The following PRKG1 variants were observed in gnomAD, a reference collection of about 807,000 sequenced individuals.
PRKG1 encodes protein kinase cGMP-dependent 1.
Under a neutral mutation model 88.1 loss-of-function variants are expected in PRKG1, and 35 were observed. The observed-to-expected ratio is 0.40, with a 90% confidence interval of 0.30 to 0.53. The LOEUF is 0.53. PRKG1 is among the 20% of genes least tolerant of loss of function. The pLI is 0.59. For synonymous variants in PRKG1, 303 were observed against 292.5 expected (o/e 1.04, Z -0.37); for missense variants, 540 against 839.8 (o/e 0.64, Z 4.41).
chr10:51,027,834 T>C (rs1048828632), intron 1 of PRKG1, among the ~76,000 whole-genome samples: 24 of 152,184 alleles, frequency 1.6e-4, no homozygotes, highest in Admixed American at 2.0e-4. Flanking sequence ...TAGTTTCTTA[T>C]ATGCAACCCA....
At chr10:51,486,878 T>A (rs1840558938) in intron 3 of PRKG1, among the ~76,000 whole-genome samples, 1 of 152,108 alleles carries the variant, frequency 6.6e-6, no homozygotes, top group Non-Finnish European at 1.5e-5. Flanking sequence ...ATTTCTACAG[T>A]GCGGTAGTTA....
chr10:51,736,331 G>A (rs1034192130), intron 3 of PRKG1, among the ~76,000 whole-genome samples: 9 of 152,004 alleles, frequency 5.9e-5, no homozygotes, highest in Non-Finnish European at 1.0e-4. Flanking sequence ...GCCCAGACTG[G>A]TCTCGAACTC....
intron 5 of PRKG1, among the ~76,000 whole-genome samples, chr10:51,989,639 C>T (rs1030096438): frequency 2.0e-5 from 3 of 151,708 alleles, no homozygotes; most frequent in African/African-American, 7.3e-5. Context: ...TCCTCTAGGA[C>T]CCATGAAGGC....
intron 2 of PRKG1, among the ~76,000 whole-genome samples, chr10:51,179,973 A>G (rs1837302412): frequency 1.3e-5 from 2 of 152,242 alleles, no homozygotes; most frequent in South Asian, 4.1e-4. Flanking sequence ...AAAGCCTTCC[A>G]TAAATGTCCA....
chr10:51,570,087 A>ATG (rs1564554534), intron 3 of PRKG1, among the ~76,000 whole-genome samples: 1 of 145,846 alleles, frequency 6.9e-6, no homozygotes, highest in East Asian at 2.0e-4. Context: ...GTGTTTATAT[A>ATG]TGTATATATA....
chr10:51,605,099 C>G (rs1022971986), intron 3 of PRKG1, among the ~76,000 whole-genome samples: 1 of 152,132 alleles, frequency 6.6e-6, no homozygotes, highest in African/African-American at 2.4e-5. Context: ...CAAGGCTATA[C>G]TCCCCTCGGC....
chr10:52,110,391 C>T (rs1362806939), intron 7 of PRKG1, among the ~76,000 whole-genome samples: 3 of 151,890 alleles, frequency 2.0e-5, no homozygotes, highest in African/African-American at 7.2e-5. Context: ...TGAGGATGCA[C>T]GTGTAGATCT....
At chr10:51,443,990 A>G (rs1425407343) in intron 2 of PRKG1, among the ~76,000 whole-genome samples, 1 of 151,886 alleles carries the variant, frequency 6.6e-6, no homozygotes, top group African/African-American at 2.4e-5. Context: ...TAATGCGCTC[A>G]TTGCCTTCTA....
At chr10:51,854,235 C>G (rs1009973796) in intron 4 of PRKG1, among the ~76,000 whole-genome samples, 1 of 152,030 alleles carries the variant, frequency 6.6e-6, no homozygotes, top group African/African-American at 2.4e-5. Context: ...TTAATCTTCC[C>G]TTTTTGATTT....
At chr10:52,285,894 T>C (rs900484923) in intron 14 of PRKG1, among the ~76,000 whole-genome samples, 3 of 151,690 alleles carry the variant, frequency 2.0e-5, no homozygotes, top group Non-Finnish European at 4.4e-5. Flanking sequence ...TTGGAAAATA[T>C]AATGAAAAAA....
rs79050567 is a variant in PRKG1, at chr10:52,011,825, C to T, written c.763-42659C>T. On this transcript the variant is annotated intron_variant, in intron 5 of 17. Transcript: ENST00000373980. ...GGGACTCAGTGGGAGATGATTGAATCATGGGGGCAGGTCTTATGCTGTTCT... is the reference window on the plus strand; with the variant it reads ...GGGACTCAGTGGGAGATGATTGAATTATGGGGGCAGGTCTTATGCTGTTCT... Among the ~76,000 whole-genome samples, 376 of 152,214 alleles carry T rather than the reference C, an allele frequency of 2.5e-3. 4 individuals carry two copies. Among genetic ancestry groups the T allele is most frequent in the African/African-American group, 8.5e-3 (355 of 41,542 alleles).
intron 9 of PRKG1, among the ~76,000 whole-genome samples, chr10:52,196,729 A>T (rs1481564853): frequency 3.9e-5 from 6 of 152,138 alleles, no homozygotes; most frequent in Non-Finnish European, 7.3e-5. Flanking sequence ...GGCAGATAGG[A>T]TCTATTAGAA....
chr10:51,070,923 G>T (rs1843817785), upstream of PRKG1, among the ~76,000 whole-genome samples: 1 of 152,158 alleles, frequency 6.6e-6, no homozygotes, highest in African/African-American at 2.4e-5. Context: ...CTTCAAAATT[G>T]CATTGTTCTA....
chr10:51,656,745 A>T (rs111361217), intron 3 of PRKG1, among the ~76,000 whole-genome samples: 162 of 152,254 alleles, frequency 1.1e-3, no homozygotes, highest in African/African-American at 3.7e-3. Context: ...TCTTCAGAGT[A>T]GTATTCATTT....
chr10:51,519,420 T>G (rs1212677497), intron 3 of PRKG1, among the ~76,000 whole-genome samples: 5 of 152,188 alleles, frequency 3.3e-5, no homozygotes, highest in Admixed American at 6.5e-5. Flanking sequence ...TTTTGTTCTA[T>G]TCCATCTTCT....
At chr10:51,065,652 C>T (rs1422585399) in intron 1 of PRKG1, among the ~76,000 whole-genome samples, 1 of 152,046 alleles carries the variant, frequency 6.6e-6, no homozygotes, top group Non-Finnish European at 1.5e-5. Flanking sequence ...TCTTTTCCAT[C>T]AGAGAGGTGT....
intron 8 of PRKG1, among the ~76,000 whole-genome samples, chr10:52,149,037 A>G (rs938629260): frequency 1.7e-4 from 26 of 148,798 alleles, no homozygotes; most frequent in African/African-American, 6.0e-4. Context: ...GTCAAAAGGG[A>G]AACAACAAAA....
intron 3 of PRKG1, among the ~76,000 whole-genome samples, chr10:51,660,910 G>C (rs1437124162): frequency 1.3e-5 from 2 of 152,014 alleles, no homozygotes; most frequent in Non-Finnish European, 2.9e-5. Context: ...ATTCACTTTT[G>C]CTGTTAATAT....
In PRKG1 at chr10:52,009,482, C is replaced by A. The variant is rs141255635; in HGVS notation, c.763-45002C>A. Among the ~76,000 whole-genome samples, 1,292 of 152,134 alleles carry A rather than the reference C, an allele frequency of 8.5e-3. 26 individuals carry two copies. The highest frequency in any genetic ancestry group is 0.03 in the African/African-American group (1,232 of 41,514). On this transcript the variant is annotated intron_variant, in intron 5 of 17. Transcript: ENST00000373980. ...AGCTAACCAGGAAGGTGAAAGATCTCTACAATGGTAATTACAAAACACTGC... is the reference window on the plus strand; with the variant it reads ...AGCTAACCAGGAAGGTGAAAGATCTATACAATGGTAATTACAAAACACTGC...
Sources: gnomAD v4.1 joint callset for allele counts (sites outside exome capture counted in the v4.1 genomes callset) on GRCh38, gnomAD v4.1.1 for gene constraint, MANE v1.5 for transcripts, NCBI Gene and HGNC (gene_info 2026-07-23, HGNC 2026-07-21) for gene names.